The following EXOC6 variants were observed in gnomAD, a reference collection of about 807,000 sequenced individuals.
The protein encoded by EXOC6 is SEC15-like 1.
In EXOC6, 60 loss-of-function variants were observed where a neutral mutation model predicts 112.5. That is an observed-to-expected ratio of 0.53 (90% confidence interval 0.43 to 0.66). The LOEUF (loss-of-function observed/expected upper bound fraction) is 0.66, where lower values mean the gene tolerates loss of function less well. EXOC6 is among the 30% of genes least tolerant of loss of function. The pLI is 0.00. For missense variants in EXOC6, 855 were observed against 957.1 expected (o/e 0.89, Z 1.41); for synonymous variants, 295 against 308.0 (o/e 0.96, Z 0.44).
chr10:92,832,439 G>A (rs911416633), upstream of EXOC6, among the ~76,000 whole-genome samples: 4 of 151,908 alleles, frequency 2.6e-5, no homozygotes, highest in Admixed American at 6.6e-5. Context: ...CACCACAGCC[G>A]GCTAATTTTT....
At chr10:92,901,943 G>C (rs1850200240) in intron 5 of EXOC6, 1 of 152,100 alleles carries the variant, frequency 6.6e-6, no homozygotes, top group Non-Finnish European at 1.5e-5. Context: ...TTGAGACAGG[G>C]AGGCAGTTGC....
intron 20 of EXOC6, among the ~76,000 whole-genome samples, chr10:93,056,483 C>G (rs1004621606): frequency 6.6e-5 from 10 of 152,120 alleles, no homozygotes; most frequent in Admixed American, 6.5e-4. Flanking sequence ...TAGGTGCAAA[C>G]AGCGTCCTTG....
At chr10:92,839,267 A>G (rs150945412) in intron 1 of EXOC6, among the ~76,000 whole-genome samples, 2 of 152,174 alleles carry the variant, frequency 1.3e-5, no homozygotes, top group Non-Finnish European at 2.9e-5. Context: ...TAGCCTCTCC[A>G]TCTGGTGTAG....
intron 18 of EXOC6, among the ~76,000 whole-genome samples, chr10:92,982,714 G>T (rs1239371961): frequency 6.6e-6 from 1 of 152,112 alleles, no homozygotes; most frequent in African/African-American, 2.4e-5. Flanking sequence ...TATTTAAACA[G>T]CATCTTCTTC....
At chr10:92,875,882 C>T (rs546217331) in intron 1 of EXOC6, among the ~76,000 whole-genome samples, 2 of 151,686 alleles carry the variant, frequency 1.3e-5, no homozygotes, top group Admixed American at 6.6e-5. Flanking sequence ...AATAAAAATA[C>T]AATTTTTTGA....
intron 1 of EXOC6, among the ~76,000 whole-genome samples, chr10:92,840,915 C>T (rs1386314068): frequency 6.6e-6 from 1 of 152,104 alleles, no homozygotes; most frequent in Non-Finnish European, 1.5e-5. Context: ...GCCTTGGCCT[C>T]CCAAAGTGCT....
chr10:92,985,125 TTTAC>T (rs915471319), intron 18 of EXOC6, among the ~76,000 whole-genome samples: 6 of 152,162 alleles, frequency 3.9e-5, no homozygotes, highest in African/African-American at 9.7e-5. Flanking sequence ...TGTGCTCCCC[TTTAC>T]TTCTCCCTGC....
rs1247879166 is a variant in EXOC6, at chr10:92,974,041, G to T, written c.1774-12G>T. On this transcript the variant is annotated splice_polypyrimidine_tract_variant and intron_variant, in intron 17 of 21. Transcript: ENST00000260762. ...TGTTTCTTGTCTTTGTTGTTATTTT[G>T]TCCCATGTCAGGATGCTCGACATGC... 2.5e-6 allele frequency: 4 copies of T among 1,569,120 alleles called. No individual in the cohort carries two copies. The highest frequency in any genetic ancestry group is 3.4e-6 in the Non-Finnish European group (4 of 1,164,218).
intron 20 of EXOC6, among the ~76,000 whole-genome samples, chr10:93,050,041 T>TA (rs900883486): frequency 2.1e-4 from 31 of 150,330 alleles, no homozygotes; most frequent in East Asian, 1.4e-3. Context: ...TCAAAGCTGT[T>TA]AAAAAAAAAA....
chr10:93,059,212 T>C lies in EXOC6; in HGVS notation c.*857T>C, dbSNP rs1846673111. 6.6e-6 allele frequency: 1 copy of C among 152,218 alleles called. No individual in the cohort carries two copies. Among genetic ancestry groups the C allele is most frequent in the South Asian group, 2.1e-4 (1 of 4,834 alleles). 9.4% of individuals were successfully genotyped at this position (152,218 alleles called of 1,614,324 possible). A position where few individuals can be genotyped will look rare whatever the true frequency, so the allele number is the denominator to read the frequency against. ...TTCTTCAAATAGCAGATTTCAGTAC[T>C]TTATCCTCATTGTGGAAACAAGCCA... On this transcript the variant is annotated 3_prime_UTR_variant, in exon 22 of 22. Coordinates refer to ENST00000260762, the MANE Select transcript of EXOC6 (RefSeq NM_019053.6).
intron 8 of EXOC6, among the ~76,000 whole-genome samples, chr10:92,927,148 A>G (rs1175856082): frequency 6.6e-6 from 1 of 152,242 alleles, no homozygotes. Flanking sequence ...GTATAAAGAA[A>G]ATAAAATCAG....
At chr10:92,973,906 G>GAAA in intron 17 of EXOC6, 147 bp from the exon 18 acceptor site, 1 of 570,662 alleles carries the variant, frequency 1.8e-6, no homozygotes, top group Non-Finnish European at 2.9e-6. Flanking sequence ...AGTACTGCCA[G>GAAA]AAAAAAAAAA....
At chr10:93,010,749 T>C (rs1844201391) in intron 19 of EXOC6, among the ~76,000 whole-genome samples, 1 of 151,802 alleles carries the variant, frequency 6.6e-6, no homozygotes, top group Admixed American at 6.6e-5. Context: ...ACTGAGTCTT[T>C]AGGGGACTGT....
intron 1 of EXOC6, among the ~76,000 whole-genome samples, chr10:92,890,925 C>T (rs1359411337): frequency 6.6e-6 from 1 of 152,040 alleles, no homozygotes; most frequent in Admixed American, 6.5e-5. Context: ...TGGGACAATT[C>T]CCATTAGCTA....
chr10:92,992,285 C>CT (rs1207264568), intron 18 of EXOC6, among the ~76,000 whole-genome samples: 2 of 51,550 alleles, frequency 3.9e-5, no homozygotes, highest in African/African-American at 8.5e-5. Context: ...AAGACTCTGT[C>CT]TCAAAAAAAA....
intron 18 of EXOC6, among the ~76,000 whole-genome samples, chr10:92,992,699 CTA>C (rs560897779): frequency 2.0e-3 from 303 of 152,068 alleles, no homozygotes; most frequent in Middle Eastern, 0.015. Context: ...TTTCAATTAA[CTA>C]TTTTTAATTT....
intron 1 of EXOC6, among the ~76,000 whole-genome samples, chr10:92,859,846 TG>T (rs1847821026): frequency 6.6e-6 from 1 of 151,546 alleles, no homozygotes; most frequent in Non-Finnish European, 1.5e-5. Flanking sequence ...TGTGTGTGTG[TG>T]TGTGTGTGTG....
At chr10:92,877,748 T>C (rs1161395370) in intron 1 of EXOC6, among the ~76,000 whole-genome samples, 1 of 152,200 alleles carries the variant, frequency 6.6e-6, no homozygotes, top group African/African-American at 2.4e-5. Flanking sequence ...ATACTACTTC[T>C]GGATATACTT....
At chr10:92,913,866 G>T (rs1330357826) in intron 6 of EXOC6, among the ~76,000 whole-genome samples, 1 of 152,180 alleles carries the variant, frequency 6.6e-6, no homozygotes, top group Non-Finnish European at 1.5e-5. Context: ...GTTTAGAGCT[G>T]AGTTTTAGAT....
Sources: allele counts gnomAD v4.1 joint callset (sites outside exome capture counted in the v4.1 genomes callset), GRCh38; gene constraint gnomAD v4.1.1; transcripts MANE v1.5; gene names NCBI Gene and HGNC (gene_info 2026-07-23, HGNC 2026-07-21).